The following SSH2 variants were observed in gnomAD, a reference collection of about 807,000 sequenced individuals.
The protein encoded by SSH2 is protein phosphatase Slingshot homolog 2.
Under a neutral mutation model 135.2 loss-of-function variants are expected in SSH2, and 37 were observed. The observed-to-expected ratio is 0.27, with a 90% CI of 0.21 to 0.36. The LOEUF is 0.36. SSH2 is among the 10% of genes least tolerant of loss of function. The pLI is 1.00. For missense variants in SSH2, 1,408 were observed against 1,765.3 expected (o/e 0.80, Z 3.63); for synonymous variants, 628 against 646.2 (o/e 0.97, Z 0.43).
chr17:29,673,959 GACAA>G, intron 8 of SSH2: 1 of 343,866 alleles, frequency 2.9e-6, no homozygotes, highest in South Asian at 2.3e-5. Flanking sequence ...TTAGAACACT[GACAA>G]ACATTCTTAG....
intron 1 of SSH2, among the ~76,000 whole-genome samples, chr17:29,874,197 G>A (rs1293570158): frequency 6.6e-6 from 1 of 151,492 alleles, no homozygotes; most frequent in Non-Finnish European, 1.5e-5. Flanking sequence ...GGAGGCCAAG[G>A]TGGGAGGATC....
At chr17:29,675,328 A>G (rs1475355998) in intron 8 of SSH2, among the ~76,000 whole-genome samples, 1 of 151,798 alleles carries the variant, frequency 6.6e-6, no homozygotes, top group Non-Finnish European at 1.5e-5. Context: ...AGGCTCTTTT[A>G]TTTCTTGTTT....
At chr17:29,817,377 T>C (rs140543553) in intron 2 of SSH2, among the ~76,000 whole-genome samples, 152 of 152,332 alleles carry the variant, frequency 1.0e-3, no homozygotes, top group African/African-American at 3.4e-3. Context: ...AGAAAACATT[T>C]ATGATCTAAA....
chr17:29,779,810 C>CAAAAAAAAAAAAAAAAAAAAA (rs56789691), intron 3 of SSH2, among the ~76,000 whole-genome samples: 1 of 19,608 alleles, frequency 5.1e-5, no homozygotes, highest in Non-Finnish European at 8.6e-5. Context: ...GACTCTGTCT[C>CAAAAAAAAAAAAAAAAAAAAA]AAAAAAAAAA....
chr17:29,904,755 T>C (rs563186566), intron 1 of SSH2, among the ~76,000 whole-genome samples: 37 of 152,158 alleles, frequency 2.4e-4, no homozygotes, highest in Non-Finnish European at 5.3e-4. Flanking sequence ...GAAAACCCCA[T>C]TGTCTCAGCC....
chr17:29,667,983 G>GTAAC (rs2037347026), intron 9 of SSH2, among the ~76,000 whole-genome samples: 1 of 152,172 alleles, frequency 6.6e-6, no homozygotes, highest in Admixed American at 6.5e-5. Context: ...GTGGTTCAAT[G>GTAAC]TAACTGGATA....
intron 2 of SSH2, among the ~76,000 whole-genome samples, chr17:29,814,665 G>C (rs984910911): frequency 6.6e-6 from 1 of 151,702 alleles, no homozygotes; most frequent in Non-Finnish European, 1.5e-5. Context: ...TACAAAAACC[G>C]GGAAGTTGAG....
At chr17:29,696,858 G>T (rs1160468956) in intron 4 of SSH2, among the ~76,000 whole-genome samples, 6 of 151,372 alleles carry the variant, frequency 4.0e-5, no homozygotes, top group Non-Finnish European at 7.4e-5. Context: ...CTAATTTTTT[G>T]TATTTTTAGT....
intron 1 of SSH2, among the ~76,000 whole-genome samples, chr17:29,853,203 C>T (rs1443783680): frequency 6.6e-6 from 1 of 151,212 alleles, no homozygotes; most frequent in Non-Finnish European, 1.5e-5. Context: ...TCTCCTGCCT[C>T]AGCCTCCCGA....
intron 3 of SSH2, among the ~76,000 whole-genome samples, chr17:29,769,658 TA>T (rs1567962786): frequency 6.6e-6 from 1 of 152,162 alleles, no homozygotes; most frequent in African/African-American, 2.4e-5. Context: ...ATAAGCCTAC[TA>T]GCTGGGCCAG....
chr17:29,865,099 T>C (rs1242065760), intron 1 of SSH2, among the ~76,000 whole-genome samples: 1 of 152,206 alleles, frequency 6.6e-6, no homozygotes, highest in Non-Finnish European at 1.5e-5. Flanking sequence ...CTCCAGGCAC[T>C]GAAGAAACAG....
At chr17:29,668,496 C>G (rs140129641) in intron 9 of SSH2, among the ~76,000 whole-genome samples, 53 of 151,638 alleles carry the variant, frequency 3.5e-4, no homozygotes, top group African/African-American at 9.4e-4. Flanking sequence ...TTTGGGAGGC[C>G]GAGGTGGGTG....
At chr17:29,926,689 G>A (rs2067072889) in intron 1 of SSH2, among the ~76,000 whole-genome samples, 2 of 152,112 alleles carry the variant, frequency 1.3e-5, no homozygotes, top group African/African-American at 4.8e-5. Flanking sequence ...AGCCCTAGCT[G>A]CCTCCTCGCC....
intron 1 of SSH2, among the ~76,000 whole-genome samples, chr17:29,917,609 T>G (rs1347452704): frequency 6.6e-6 from 1 of 152,216 alleles, no homozygotes; most frequent in Non-Finnish European, 1.5e-5. Flanking sequence ...ATTCAAACTA[T>G]GGCAGGGCAA....
chr17:29,739,554 C>T (rs957032912), intron 3 of SSH2, among the ~76,000 whole-genome samples: 1 of 152,176 alleles, frequency 6.6e-6, no homozygotes, highest in Non-Finnish European at 1.5e-5. Flanking sequence ...CTGAAGATTA[C>T]GTATTTGTAG....
intron 3 of SSH2, among the ~76,000 whole-genome samples, chr17:29,728,532 G>A (rs1436294516): frequency 1.3e-5 from 2 of 152,090 alleles, no homozygotes; most frequent in African/African-American, 4.8e-5. Flanking sequence ...ATTCTTCACA[G>A]AAATAGAAAA....
intron 1 of SSH2, among the ~76,000 whole-genome samples, chr17:29,850,865 G>GTGGTGCTCAATCGTAA (rs2065542702): frequency 1.3e-5 from 2 of 152,038 alleles, no homozygotes; most frequent in African/African-American, 4.8e-5. Context: ...GGCGCCTGCA[G>GTGGTGCTCAATCGTAA]TCCCACCTAC....
chr17:29,732,082 GA>G (rs1467243856), intron 3 of SSH2, among the ~76,000 whole-genome samples: 1 of 152,122 alleles, frequency 6.6e-6, no homozygotes, highest in Non-Finnish European at 1.5e-5. Flanking sequence ...GTGGTGAAGT[GA>G]TATCTCCTGC....
chr17:29,807,700 AC>A (rs1319497781), intron 2 of SSH2, among the ~76,000 whole-genome samples: 4 of 152,094 alleles, frequency 2.6e-5, no homozygotes, highest in African/African-American at 9.7e-5. Flanking sequence ...CTGAGTTAAA[AC>A]CCAGAGCTTT....
Sources: allele counts gnomAD v4.1 joint callset (sites outside exome capture counted in the v4.1 genomes callset), GRCh38; gene constraint gnomAD v4.1.1; transcripts MANE v1.5; gene names NCBI Gene and HGNC (gene_info 2026-07-23, HGNC 2026-07-21).